The following CSMD1 variants were observed in gnomAD, a reference collection of about 807,000 sequenced individuals.
The protein encoded by CSMD1 is CUB and sushi domain-containing protein 1.
Under a neutral mutation model 417.5 loss-of-function variants are expected in CSMD1, and 213 were observed. The observed-to-expected ratio is 0.51, with a 90% CI of 0.46 to 0.57. The LOEUF (loss-of-function observed/expected upper bound fraction) is 0.57. CSMD1 is among the 20% of genes least tolerant of loss of function. The probability of loss-of-function intolerance (pLI) is 0.00; values close to 1 mark genes in which losing one functional copy is unlikely to be tolerated. For missense variants in CSMD1, 6,923 were observed against 4,529.7 expected (o/e 1.53, Z -15.17); for synonymous variants, 2,862 against 1,736.8 (o/e 1.65, Z -16.11).
intron 3 of CSMD1, among the ~76,000 whole-genome samples, chr8:4,155,333 G>C (rs541272786): frequency 4.6e-5 from 7 of 152,140 alleles, no homozygotes; most frequent in Non-Finnish European, 8.8e-5. Context: ...AGTCTCACCT[G>C]CATGACTCCC....
chr8:4,329,116 T>C (rs1337213650), intron 3 of CSMD1, among the ~76,000 whole-genome samples: 2 of 152,202 alleles, frequency 1.3e-5, no homozygotes, highest in Admixed American at 6.6e-5. Flanking sequence ...GTCTACAGAC[T>C]GTATGGCTTC....
chr8:3,978,764 G>C lies in CSMD1; in HGVS notation c.818+19139C>G, dbSNP rs555423560. On this transcript the variant is annotated intron_variant, in intron 5 of 69. Transcript: ENST00000635120. ...CCAGCATACGACATCAGTGCATGAC[G>C]GTGCTCATGCTTTTAAGGGAAAGCA... Among the ~76,000 whole-genome samples, 24 of 152,148 alleles carry C rather than the reference G, an allele frequency of 1.6e-4. No homozygotes were observed. In the South Asian group the frequency reaches 5.0e-3, roughly 32 times the overall value.
At chr8:4,558,816 G>C (rs1482586309) in intron 2 of CSMD1, among the ~76,000 whole-genome samples, 1 of 152,132 alleles carries the variant, frequency 6.6e-6, no homozygotes, top group African/African-American at 2.4e-5. Flanking sequence ...TGCAGTGAAT[G>C]GAGATCGTGC....
intron 51 of CSMD1, among the ~76,000 whole-genome samples, chr8:3,019,132 G>C (rs981886385): frequency 2.6e-5 from 4 of 152,142 alleles, no homozygotes; most frequent in African/African-American, 9.7e-5. Context: ...TGGCCAGACT[G>C]ATCTCAAACT....
At chr8:4,215,176 C>A (rs973641104) in intron 3 of CSMD1, among the ~76,000 whole-genome samples, 11 of 152,150 alleles carry the variant, frequency 7.2e-5, no homozygotes, top group Non-Finnish European at 2.9e-5. Context: ...CTGATAGGGA[C>A]CTTGTGTCCA....
At chr8:3,582,394 TA>T (rs1800420841) in intron 9 of CSMD1, among the ~76,000 whole-genome samples, 1 of 152,214 alleles carries the variant, frequency 6.6e-6, no homozygotes, top group Admixed American at 6.5e-5. Flanking sequence ...TCAGGGTTCC[TA>T]AAAGTTGCCA....
At chr8:4,825,292 A>G (rs560618828) in intron 1 of CSMD1, among the ~76,000 whole-genome samples, 78 of 152,228 alleles carry the variant, frequency 5.1e-4, no homozygotes, top group African/African-American at 1.9e-3. Context: ...TCAAGGATAT[A>G]AACAACTATT....
chr8:4,158,135 A>T (rs1340621844), intron 3 of CSMD1, among the ~76,000 whole-genome samples: 1 of 149,726 alleles, frequency 6.7e-6, no homozygotes. Flanking sequence ...GCAGTCCCTG[A>T]GGTCAGACCA....
At chr8:3,560,325 A>C (rs1414085955) in intron 10 of CSMD1, among the ~76,000 whole-genome samples, 1 of 152,198 alleles carries the variant, frequency 6.6e-6, no homozygotes, top group Non-Finnish European at 1.5e-5. Flanking sequence ...TGATACCATT[A>C]GTGAAGGTAC....
rs569291534 is a variant in CSMD1, at chr8:4,282,015, G to C, written c.415+137938C>G. Reference sequence around the variant, plus strand: ...TAGCAAGGTGAATTCATGTTCTCTTGAGATGTGATTAGCCTTTGTTATAAA... The same window carrying C: ...TAGCAAGGTGAATTCATGTTCTCTTCAGATGTGATTAGCCTTTGTTATAAA... On this transcript the variant is annotated intron_variant, in intron 3 of 69. Transcript: ENST00000635120. 3.9e-5 allele frequency among the ~76,000 whole-genome samples: 6 copies of C among 152,286 alleles called. No homozygotes were observed. The East Asian group carries it at 1.2e-3, about 29-fold the overall frequency.
At chr8:4,435,933 C>A (rs1798124546) in intron 2 of CSMD1, among the ~76,000 whole-genome samples, 1 of 152,082 alleles carries the variant, frequency 6.6e-6, no homozygotes, top group African/African-American at 2.4e-5. Context: ...GAATTTTAAC[C>A]AAAATCTACA....
intron 3 of CSMD1, among the ~76,000 whole-genome samples, chr8:4,387,734 T>C (rs1208313191): frequency 6.6e-6 from 1 of 152,042 alleles, no homozygotes; most frequent in Non-Finnish European, 1.5e-5. Context: ...AAAATAGACA[T>C]ATTTCTACAA....
chr8:3,905,344 G>C (rs1808043818), intron 5 of CSMD1, among the ~76,000 whole-genome samples: 1 of 152,152 alleles, frequency 6.6e-6, no homozygotes, highest in Non-Finnish European at 1.5e-5. Context: ...CAACATAAAA[G>C]TTGATCATCT....
chr8:2,978,497 T>C (rs1248885701), intron 55 of CSMD1, 115 bp downstream of exon 55: 1 of 786,492 alleles, frequency 1.3e-6, no homozygotes, highest in African/African-American at 1.8e-5. Context: ...CAATTGGTGA[T>C]GGGAGGACAG....
At chr8:4,338,995 C>T (rs28438650) in intron 3 of CSMD1, among the ~76,000 whole-genome samples, 8,330 of 152,062 alleles carry the variant, frequency 0.055, 676 homozygotes, top group African/African-American at 0.18. Context: ...CTTTGAGATT[C>T]TGTGAAAAGC....
intron 3 of CSMD1, among the ~76,000 whole-genome samples, chr8:4,324,961 A>G (rs1375844227): frequency 6.6e-6 from 1 of 152,120 alleles, no homozygotes; most frequent in Non-Finnish European, 1.5e-5. Flanking sequence ...TTTGGAAAGG[A>G]TATCATTATA....
intron 1 of CSMD1, among the ~76,000 whole-genome samples, chr8:4,769,369 G>T (rs995033700): frequency 4.6e-5 from 7 of 152,040 alleles, no homozygotes; most frequent in African/African-American, 1.7e-4. Context: ...ATTCAATGAG[G>T]GAATTATGCA....
intron 1 of CSMD1, among the ~76,000 whole-genome samples, chr8:4,652,795 G>C (rs539056052): frequency 1.3e-5 from 2 of 152,204 alleles, no homozygotes; most frequent in East Asian, 3.9e-4. Context: ...GAAGGGTGTG[G>C]GGATGGTTTT....
intron 7 of CSMD1, among the ~76,000 whole-genome samples, chr8:3,665,974 T>G (rs920679690): frequency 6.6e-6 from 1 of 152,084 alleles, no homozygotes; most frequent in Non-Finnish European, 1.5e-5. Context: ...ACCTGCCAGA[T>G]TCAAGTGATT....
Sources: allele counts gnomAD v4.1 joint callset (sites outside exome capture counted in the v4.1 genomes callset), GRCh38; gene constraint gnomAD v4.1.1; transcripts MANE v1.5; gene names NCBI Gene and HGNC (gene_info 2026-07-23, HGNC 2026-07-21).